LRBA: variants seen among roughly 807,000 people sequenced by gnomAD.
LRBA encodes the protein LPS responsive beige-like anchor protein.
A neutral mutation model predicts 330.0 loss-of-function variants in LRBA; 176 were observed. The ratio of observed to expected loss-of-function variants is 0.53; its 90% CI spans 0.47 to 0.60. The LOEUF is 0.60. Ranked by LOEUF, LRBA falls within the 20% of genes least tolerant of loss-of-function variation. The pLI, the probability that LRBA is intolerant of heterozygous loss-of-function variation, is 0.00. For synonymous variants in LRBA, 1,230 were observed against 1,193.0 expected, an observed-to-expected ratio of 1.03 and a Z score of -0.64; for missense variants, 3,259 against 3,444.8, an observed-to-expected ratio of 0.95 and a Z score of 1.35.
At chr4:150,488,340 A>C (rs1561247274) in intron 41 of LRBA, among the ~76,000 whole-genome samples, 1 of 151,706 alleles carries the variant, frequency 6.6e-6, no homozygotes, top group African/African-American at 2.4e-5. Context: ...TAAGTTTTAA[A>C]ACAGTCTTTT....
intron 51 of LRBA, chr4:150,310,726 A>T: frequency 5.2e-6 from 1 of 192,026 alleles, no homozygotes; most frequent in East Asian, 1.3e-4. Flanking sequence ...TGTTTCTGAC[A>T]ATCTCATTAC....
At chr4:150,324,950 G>T (rs1458808252) in intron 49 of LRBA, among the ~76,000 whole-genome samples, 1 of 151,892 alleles carries the variant, frequency 6.6e-6, no homozygotes, top group Non-Finnish European at 1.5e-5. Context: ...GAAATTTCAG[G>T]AACTATAAAG....
intron 2 of LRBA, among the ~76,000 whole-genome samples, chr4:150,951,961 T>C (rs556900277): frequency 6.6e-6 from 1 of 152,226 alleles, no homozygotes; most frequent in Non-Finnish European, 1.5e-5. Flanking sequence ...TATGCTGATA[T>C]GGAAAATGAA....
chr4:150,865,456 T>C (rs1752551132), intron 22 of LRBA, among the ~76,000 whole-genome samples: 1 of 152,210 alleles, frequency 6.6e-6, no homozygotes, highest in Admixed American at 6.5e-5. Flanking sequence ...ATCTGACACT[T>C]AGGCCATGGC....
At chr4:150,755,891 T>C (rs199955494) in intron 35 of LRBA, among the ~76,000 whole-genome samples, 1 of 144,458 alleles carries the variant, frequency 6.9e-6, no homozygotes, top group Non-Finnish European at 1.5e-5. Flanking sequence ...AAAAAAAAAA[T>C]TAAAAATTAG....
chr4:150,754,521 CAAAAAAA>C (rs755838647), intron 35 of LRBA, among the ~76,000 whole-genome samples: 1 of 86,074 alleles, frequency 1.2e-5, no homozygotes, highest in African/African-American at 5.1e-5. Flanking sequence ...CCTGTCTCAC[CAAAAAAA>C]AAAAAAAAAA....
rs1265808219 is a variant in LRBA at position 150,914,294 on chromosome 4, A to G, written c.1062T>C (p.Asn354=). Residue 354 remains asparagine, a synonymous_variant, in exon 9 of 57, where the codon AAT becomes AAC. Coordinates refer to ENST00000651943, the MANE Select transcript of LRBA (RefSeq NM_001364905.1). ...FLGSSETADA[N]RVFCGQMTAV... ...CAGTCATCTGACCACAGAATACTCTATTAGCATCTGCTGTTTCTGATGAGC... is the reference window on the plus strand; with the variant it reads ...CAGTCATCTGACCACAGAATACTCTGTTAGCATCTGCTGTTTCTGATGAGC... The G allele has an allele frequency of 7.7e-5, 123 of 1,600,106 alleles. No individual in the cohort carries two copies. The highest frequency in any genetic ancestry group is 1.0e-4 in the Non-Finnish European group (117 of 1,171,738).
rs370252876 is a variant in LRBA at position 150,436,826 on chromosome 4, G to A, written c.6819C>T (p.Phe2273=). The change falls in exon 45 of 57, where the codon TTC becomes TTT. Residue 2273 remains phenylalanine (F), a synonymous_variant. Coordinates refer to ENST00000651943, the MANE Select transcript of LRBA (RefSeq NM_001364905.1). The part of the protein sequence containing the change: ...GALNPKRAAF[F]AERYESWEDD... ...CTTCCCATGATTCATAACGCTCAGC[G>A]AAGAATGCTGCTCTTTTTGGGTTCA... is the stretch of plus-strand genomic sequence containing the variant. The A allele has an allele frequency of 8.7e-6, 14 of 1,613,644 alleles. No homozygotes were observed. The highest frequency in any genetic ancestry group is 5.3e-5 in the African/African-American group (4 of 74,874).
chr4:150,754,521 CAAAA>C (rs755838647), intron 35 of LRBA, among the ~76,000 whole-genome samples: 2 of 86,070 alleles, frequency 2.3e-5, no homozygotes, highest in Non-Finnish European at 2.1e-5. Context: ...CCTGTCTCAC[CAAAA>C]AAAAAAAAAA....
At chr4:150,575,035 G>T (rs914485170) in intron 40 of LRBA, among the ~76,000 whole-genome samples, 2 of 151,930 alleles carry the variant, frequency 1.3e-5, no homozygotes, top group African/African-American at 4.8e-5. Flanking sequence ...TACCAAATCA[G>T]TCAGAAAATA....
At chr4:150,707,549 A>G (rs1785751409) in intron 36 of LRBA, among the ~76,000 whole-genome samples, 1 of 151,680 alleles carries the variant, frequency 6.6e-6, no homozygotes, top group Admixed American at 6.6e-5. Flanking sequence ...GATAAGAAAT[A>G]AAAAAGGACC....
intron 24 of LRBA, among the ~76,000 whole-genome samples, chr4:150,850,336 C>T (rs1470532830): frequency 2.0e-5 from 3 of 150,010 alleles, no homozygotes; most frequent in Non-Finnish European, 3.0e-5. Flanking sequence ...CCTTATGATC[C>T]GCCTGCATCG....
intron 36 of LRBA, among the ~76,000 whole-genome samples, chr4:150,706,839 T>C (rs1785676462): frequency 6.6e-6 from 1 of 151,540 alleles, no homozygotes; most frequent in Admixed American, 6.6e-5. Context: ...AACTCACTCA[T>C]AAAAAACCAA....
intron 36 of LRBA, among the ~76,000 whole-genome samples, chr4:150,688,679 G>A (rs183535202): frequency 1.2e-4 from 18 of 152,106 alleles, no homozygotes; most frequent in Middle Eastern, 3.4e-3. Flanking sequence ...ACATTTATGC[G>A]GCCAACAAAC....
At chr4:150,584,076 T>C in intron 40 of LRBA, 1 of 1,557,980 alleles carries the variant, frequency 6.4e-7, no homozygotes. Context: ...CCAGGGAAAT[T>C]CTCACCAATC....
At chr4:150,755,902 C>A (rs1734223199) in intron 35 of LRBA, among the ~76,000 whole-genome samples, 1 of 151,206 alleles carries the variant, frequency 6.6e-6, no homozygotes, top group Non-Finnish European at 1.5e-5. Context: ...TAAAAATTAG[C>A]CAGGTGTGGT....
rs376737399 is a variant in LRBA at position 150,285,973 on chromosome 4, C to A, written c.8079G>T (p.Ala2693=). ...TGHDYEVTCA[A]VCAELGLVLS... Reference sequence around the variant, plus strand: ...ACACCAGGCCTAGCTCCGCACACACCGCAGCACATGTGACCTCATAGTCAT... The same window carrying A: ...ACACCAGGCCTAGCTCCGCACACACAGCAGCACATGTGACCTCATAGTCAT... Residue 2693 remains alanine (A), a synonymous_variant, in exon 54 of 57, where the codon GCG becomes GCT. Transcript: ENST00000651943. 5 of 1,599,456 alleles carry A rather than the reference C, an allele frequency of 3.1e-6. No individual in the cohort carries two copies. Among genetic ancestry groups the A allele is most frequent in the African/African-American group, 1.3e-5 (1 of 74,592 alleles).
At chr4:150,964,075 G>A (rs545883892) in intron 2 of LRBA, among the ~76,000 whole-genome samples, 4 of 147,842 alleles carry the variant, frequency 2.7e-5, no homozygotes, top group South Asian at 2.1e-4. Flanking sequence ...CAGCCTCCCC[G>A]TCCGGGAAGT....
At chr4:150,473,784 T>A (rs1164380768) in intron 42 of LRBA, among the ~76,000 whole-genome samples, 1 of 152,186 alleles carries the variant, frequency 6.6e-6, no homozygotes, top group South Asian at 2.1e-4. Flanking sequence ...GCCTCCATGG[T>A]CATATGAGCC....
Sources: allele counts gnomAD v4.1 joint callset (sites outside exome capture counted in the v4.1 genomes callset), GRCh38; gene constraint gnomAD v4.1.1; transcripts MANE v1.5; gene names NCBI Gene and HGNC (gene_info 2026-07-23, HGNC 2026-07-21).